The following EXOC4 variants were observed in gnomAD, a reference collection of about 807,000 sequenced individuals.
EXOC4 encodes the protein exocyst complex component 4.
In EXOC4, 71 loss-of-function variants were observed where a neutral mutation model predicts 107.2. That is an observed-to-expected ratio of 0.66 (90% CI 0.55 to 0.81). EXOC4 has a LOEUF of 0.81. EXOC4 is among the 30% of genes least tolerant of loss of function. The pLI, the probability that EXOC4 is intolerant of heterozygous loss-of-function variation, is 0.00. For missense variants in EXOC4, 1,108 were observed against 1,189.6 expected (o/e 0.93, Z 1.01); for synonymous variants, 456 against 441.2 (o/e 1.03, Z -0.42).
intron 2 of EXOC4, among the ~76,000 whole-genome samples, chr7:133,275,604 A>G (rs1361651289): frequency 6.6e-6 from 1 of 152,128 alleles, no homozygotes; most frequent in Non-Finnish European, 1.5e-5. Flanking sequence ...TTAGTGGCTG[A>G]CCTATTGACA....
intron 17 of EXOC4, among the ~76,000 whole-genome samples, chr7:134,059,645 G>C (rs961307583): frequency 2.0e-5 from 3 of 152,106 alleles, no homozygotes; most frequent in Admixed American, 1.3e-4. Flanking sequence ...TCTGTTTTTA[G>C]AAATCTATCC....
chr7:133,504,024 T>TAC (rs754254932), intron 9 of EXOC4, among the ~76,000 whole-genome samples: 31 of 151,688 alleles, frequency 2.0e-4, no homozygotes, highest in African/African-American at 5.1e-4. Flanking sequence ...CACACACGTA[T>TAC]ACACACACAC....
intron 10 of EXOC4, among the ~76,000 whole-genome samples, chr7:133,691,536 G>A (rs1349590285): frequency 6.6e-6 from 1 of 152,156 alleles, no homozygotes; most frequent in African/African-American, 2.4e-5. Context: ...CTGTATGCCA[G>A]AAACACATTA....
chr7:134,025,762 G>A (rs1377903993), intron 17 of EXOC4, among the ~76,000 whole-genome samples: 1 of 152,182 alleles, frequency 6.6e-6, no homozygotes, highest in African/African-American at 2.4e-5. Context: ...ATGGTTACTT[G>A]GGGCTCCCAA....
intron 9 of EXOC4, among the ~76,000 whole-genome samples, chr7:133,507,646 C>T (rs1490885683): frequency 6.6e-6 from 1 of 152,144 alleles, no homozygotes; most frequent in Non-Finnish European, 1.5e-5. Flanking sequence ...GAGAATCACT[C>T]CTATGTTGAT....
At chr7:133,747,057 C>A (rs927620071) in intron 10 of EXOC4, among the ~76,000 whole-genome samples, 3 of 152,122 alleles carry the variant, frequency 2.0e-5, no homozygotes, top group African/African-American at 7.2e-5. Flanking sequence ...TAGGTCCAGA[C>A]AAAAGGTATG....
At chr7:133,665,248 C>T (rs1447015182) in intron 10 of EXOC4, among the ~76,000 whole-genome samples, 1 of 152,082 alleles carries the variant, frequency 6.6e-6, no homozygotes, top group Non-Finnish European at 1.5e-5. Context: ...ATTCCCCTTC[C>T]CATTTGACTT....
chr7:133,504,285 T>A (rs1371366087), intron 9 of EXOC4, among the ~76,000 whole-genome samples: 1 of 152,108 alleles, frequency 6.6e-6, no homozygotes, highest in Non-Finnish European at 1.5e-5. Context: ...GCATAGTAAT[T>A]AAGTGTGAAT....
At position 134,025,669 on chromosome 7, in the gene EXOC4, T is replaced by A. The variant is rs191870142; in HGVS notation, c.2687+17834T>A. Among the ~76,000 whole-genome samples the A allele has an allele frequency of 6.4e-4, 97 of 152,346 alleles. 2 individuals carry two copies. In the East Asian group the frequency reaches 7.5e-3, roughly 12 times the overall value. Reference sequence around the variant, plus strand: ...ATGGGCATGGCTCAGTTCCTCTCTCTGTTTCTGTGTAGTCTCAGAGATTCC... The same window carrying A: ...ATGGGCATGGCTCAGTTCCTCTCTCAGTTTCTGTGTAGTCTCAGAGATTCC... On this transcript the variant is annotated intron_variant, in intron 17 of 17. Transcript: ENST00000253861.
chr7:133,678,047 G>T (rs1262780730), intron 10 of EXOC4, among the ~76,000 whole-genome samples: 1 of 152,054 alleles, frequency 6.6e-6, no homozygotes, highest in Non-Finnish European at 1.5e-5. Flanking sequence ...TAAAAAGTAT[G>T]AACTTTATGA....
chr7:133,827,924 G>A (rs2151233466), intron 11 of EXOC4, among the ~76,000 whole-genome samples: 1 of 152,252 alleles, frequency 6.6e-6, no homozygotes, highest in South Asian at 2.1e-4. Flanking sequence ...TCAATATAGG[G>A]ATAACCCCTG....
intron 13 of EXOC4, among the ~76,000 whole-genome samples, chr7:133,927,409 A>G (rs1800076530): frequency 6.6e-6 from 1 of 152,228 alleles, no homozygotes; most frequent in East Asian, 1.9e-4. Context: ...TAGAGCATAA[A>G]TGATTTTCAG....
At chr7:133,708,361 C>G (rs1048459400) in intron 10 of EXOC4, among the ~76,000 whole-genome samples, 5 of 152,166 alleles carry the variant, frequency 3.3e-5, no homozygotes, top group Non-Finnish European at 7.3e-5. Flanking sequence ...TGAAACAATT[C>G]AGTGGGTTAC....
intron 11 of EXOC4, among the ~76,000 whole-genome samples, chr7:133,833,440 A>C (rs1015651256): frequency 7.2e-5 from 11 of 152,326 alleles, no homozygotes; most frequent in African/African-American, 2.4e-4. Flanking sequence ...CCAAATAGTA[A>C]ATGAAATCTT....
At chr7:134,067,019 G>A (rs1246963092), downstream of EXOC4, among the ~76,000 whole-genome samples, 1 of 151,748 alleles carries the variant, frequency 6.6e-6, no homozygotes, top group Non-Finnish European at 1.5e-5. Flanking sequence ...GTGTGGTGGT[G>A]CACACCTGTA....
chr7:133,374,290 C>A (rs1796439625), intron 6 of EXOC4, among the ~76,000 whole-genome samples: 1 of 151,936 alleles, frequency 6.6e-6, no homozygotes, highest in Non-Finnish European at 1.5e-5. Flanking sequence ...TGGTGAAAGT[C>A]AGATTGCTTG....
At chr7:133,576,927 A>C in intron 9 of EXOC4, 1 of 1,202,458 alleles carries the variant, frequency 8.3e-7, no homozygotes. Flanking sequence ...CAGATCTCTT[A>C]TTCACTGCAT....
intron 9 of EXOC4, among the ~76,000 whole-genome samples, chr7:133,511,783 A>G (rs898755977): frequency 1.3e-4 from 19 of 151,144 alleles, no homozygotes; most frequent in African/African-American, 4.4e-4. Context: ...ACGCTTAACC[A>G]CAGTGCAGCA....
chr7:133,841,275 CA>C (rs1481139505), intron 11 of EXOC4, among the ~76,000 whole-genome samples: 4 of 152,172 alleles, frequency 2.6e-5, no homozygotes, highest in African/African-American at 7.2e-5. Context: ...CTCATACTGT[CA>C]CCTTGGGGGT....
Sources: allele counts gnomAD v4.1 joint callset (sites outside exome capture counted in the v4.1 genomes callset), GRCh38; gene constraint gnomAD v4.1.1; transcripts MANE v1.5; gene names NCBI Gene and HGNC (gene_info 2026-07-23, HGNC 2026-07-21).